Variants in SGMS1 observed in about 807,000 individuals in gnomAD.
The protein encoded by SGMS1 is sphingomyelin synthase 1, also known as phosphatidylcholine:ceramide cholinephosphotransferase 1.
Under a neutral mutation model 46.2 loss-of-function variants are expected in SGMS1, and 13 were observed. The ratio of observed to expected loss-of-function variants is 0.28; its 90% CI spans 0.18 to 0.45. The LOEUF (loss-of-function observed/expected upper bound fraction) is 0.45, where lower values mean the gene tolerates loss of function less well. Ranked by LOEUF, SGMS1 falls within the 20% of genes least tolerant of loss-of-function variation. The probability of loss-of-function intolerance (pLI) is 1.00; values close to 1 mark genes in which losing one functional copy is unlikely to be tolerated. For missense variants in SGMS1, 324 were observed against 519.9 expected, an observed-to-expected ratio of 0.62 and a Z score of 3.66; for synonymous variants, 203 against 187.8, an observed-to-expected ratio of 1.08 and a Z score of -0.66.
intron 6 of SGMS1, among the ~76,000 whole-genome samples, chr10:50,389,813 A>G (rs895384730): frequency 6.8e-6 from 1 of 147,736 alleles, no homozygotes; most frequent in African/African-American, 2.7e-5. Flanking sequence ...TTGTTTGTAC[A>G]AAAATAAATA....
chr10:50,372,460 C>T (rs553325846), intron 6 of SGMS1, among the ~76,000 whole-genome samples: 3 of 152,178 alleles, frequency 2.0e-5, no homozygotes, highest in African/African-American at 4.8e-5. Context: ...TTTGGGAGGC[C>T]GGGGAGGGTG....
intron 7 of SGMS1, among the ~76,000 whole-genome samples, chr10:50,327,906 T>A (rs568652869): frequency 5.9e-5 from 9 of 152,292 alleles, no homozygotes; most frequent in African/African-American, 2.2e-4. Context: ...GGATGCACAT[T>A]TACTTCTCTG....
chr10:50,333,015 G>A (rs1847652898), intron 7 of SGMS1, among the ~76,000 whole-genome samples: 1 of 152,132 alleles, frequency 6.6e-6, no homozygotes, highest in Non-Finnish European at 1.5e-5. Context: ...GATTATGTCT[G>A]CTATAATCCT....
At chr10:50,602,982 T>C (rs1237179942) in intron 1 of SGMS1, among the ~76,000 whole-genome samples, 1 of 152,146 alleles carries the variant, frequency 6.6e-6, no homozygotes, top group East Asian at 1.9e-4. Flanking sequence ...GTTTAGACAA[T>C]GGAATTCAAT....
intron 3 of SGMS1, among the ~76,000 whole-genome samples, chr10:50,502,527 C>T (rs1470173097): frequency 6.6e-6 from 1 of 152,132 alleles, no homozygotes; most frequent in African/African-American, 2.4e-5. Flanking sequence ...GTCTTTTAGG[C>T]ATACCCACAG....
intron 6 of SGMS1, among the ~76,000 whole-genome samples, chr10:50,432,972 A>G (rs1849423868): frequency 1.3e-5 from 2 of 152,218 alleles, no homozygotes. Context: ...GCAAACATTA[A>G]TAGCCTCTGA....
intron 7 of SGMS1, among the ~76,000 whole-genome samples, chr10:50,333,957 C>T (rs1223969097): frequency 6.6e-6 from 1 of 152,118 alleles, no homozygotes; most frequent in Non-Finnish European, 1.5e-5. Flanking sequence ...TACCATTATC[C>T]CATTTTACAG....
chr10:50,400,007 C>T (rs577904593), intron 6 of SGMS1, among the ~76,000 whole-genome samples: 8 of 143,840 alleles, frequency 5.6e-5, no homozygotes, highest in African/African-American at 1.3e-4. Flanking sequence ...CCAGCCTGGG[C>T]GACACAGTGA....
intron 2 of SGMS1, among the ~76,000 whole-genome samples, chr10:50,573,443 C>A: frequency 6.6e-6 from 1 of 152,052 alleles, no homozygotes; most frequent in South Asian, 2.1e-4. Context: ...TACAGTAGCA[C>A]CAAATAGAAT....
At chr10:50,463,585 A>G (rs1215738662) in intron 4 of SGMS1, among the ~76,000 whole-genome samples, 1 of 152,250 alleles carries the variant, frequency 6.6e-6, no homozygotes, top group Non-Finnish European at 1.5e-5. Flanking sequence ...TGGGAATGTC[A>G]AATCGTACAT....
chr10:50,605,854 T>A (rs1838689672), intron 1 of SGMS1, among the ~76,000 whole-genome samples: 1 of 152,228 alleles, frequency 6.6e-6, no homozygotes, highest in African/African-American at 2.4e-5. Flanking sequence ...CCTCAAATAA[T>A]ATACATCATA....
chr10:50,570,864 G>C (rs921033463), intron 2 of SGMS1, among the ~76,000 whole-genome samples: 11 of 152,194 alleles, frequency 7.2e-5, no homozygotes, highest in African/African-American at 2.4e-4. Context: ...CTTGAGCTCA[G>C]GCAGTCAAGG....
In SGMS1 at chr10:50,599,999, C is replaced by T. The variant is rs77282686; in HGVS notation, c.-683-9752G>A. On this transcript the variant is annotated intron_variant, in intron 1 of 10. Transcript: ENST00000361781. ...CTGAAATATGACAAATCCTTCATCT[C>T]TATCCAGAGTGGGCCTCAGGACACT... Among the ~76,000 whole-genome samples, 68 of 152,332 alleles carry T rather than the reference C, an allele frequency of 4.5e-4. No homozygotes were observed. In the East Asian group the frequency reaches 5.0e-3, roughly 11 times the overall value.
chr10:50,424,289 T>C (rs764301474), intron 6 of SGMS1, among the ~76,000 whole-genome samples: 5 of 152,240 alleles, frequency 3.3e-5, no homozygotes, highest in Non-Finnish European at 5.9e-5. Context: ...GGTACTTCTC[T>C]ATGGCTGAAT....
chr10:50,570,888 T>C (rs1838331383), intron 2 of SGMS1, among the ~76,000 whole-genome samples: 1 of 151,884 alleles, frequency 6.6e-6, no homozygotes, highest in African/African-American at 2.4e-5. Flanking sequence ...CAGAGAGCTA[T>C]GATCACACCA....
chr10:50,616,538 T>A (rs1000918088), intron 1 of SGMS1, among the ~76,000 whole-genome samples: 1 of 152,162 alleles, frequency 6.6e-6, no homozygotes, highest in Admixed American at 6.5e-5. Flanking sequence ...TCCTACAATA[T>A]CTTTTAAACC....
chr10:50,438,539 GCCTTGCTAAGTA>G (rs1849502903), intron 5 of SGMS1, among the ~76,000 whole-genome samples: 1 of 152,202 alleles, frequency 6.6e-6, no homozygotes, highest in African/African-American at 2.4e-5. Flanking sequence ...CTTGACTGTG[GCCTTGCTAAGTA>G]CCTTGCTAAG....
At chr10:50,487,113 C>T (rs961877540) in intron 3 of SGMS1, among the ~76,000 whole-genome samples, 3 of 152,114 alleles carry the variant, frequency 2.0e-5, no homozygotes, top group African/African-American at 7.2e-5. Context: ...ATGATGAGAA[C>T]ATGTGGATGC....
chr10:50,621,846 T>A (rs969884480), intron 1 of SGMS1, among the ~76,000 whole-genome samples: 2 of 152,248 alleles, frequency 1.3e-5, no homozygotes, highest in Non-Finnish European at 1.5e-5. Flanking sequence ...GCAGAGTAAC[T>A]ACTTAAAACT....
Sources: gnomAD v4.1 joint callset for allele counts (sites outside exome capture counted in the v4.1 genomes callset) on GRCh38, gnomAD v4.1.1 for gene constraint, MANE v1.5 for transcripts, NCBI Gene and HGNC (gene_info 2026-07-23, HGNC 2026-07-21) for gene names.